Variants in CR2 observed in about 807,000 individuals in gnomAD.
CR2 encodes the protein complement C3d receptor 2, also known as complement receptor type 2.
In CR2, 96 loss-of-function variants were observed where a neutral mutation model predicts 123.0. The observed-to-expected ratio is 0.78, with a 90% confidence interval of 0.66 to 0.93. CR2 has a LOEUF of 0.93. CR2 is among the 40% of genes least tolerant of loss of function. The pLI is 0.00. For synonymous variants in CR2, 484 were observed against 469.5 expected (o/e 1.03, Z -0.40); for missense variants, 1,258 against 1,361.0 (o/e 0.92, Z 1.19).
intron 1 of CR2, among the ~76,000 whole-genome samples, chr1:207,460,033 T>C (rs1398589376): frequency 6.6e-6 from 1 of 152,226 alleles, no homozygotes; most frequent in Non-Finnish European, 1.5e-5. Context: ...TTCGTCCATG[T>C]CATTGCCACT....
intron 1 of CR2, among the ~76,000 whole-genome samples, chr1:207,456,161 T>C (rs1657828370): frequency 1.3e-5 from 2 of 152,218 alleles, no homozygotes; most frequent in Admixed American, 1.3e-4. Context: ...TCTAGCCCTT[T>C]GGAATGGGAT....
At position 207,454,400 on chromosome 1, in the gene CR2, CG is replaced by C; in HGVS notation, c.-14del. The stretch of plus-strand genomic sequence containing the variant: ...GCGGGTCTCGGAACGCATCCCGCCG[CG>C]GGGGCTTCGGCCGTGGCATGGGCGC... On this transcript the variant is annotated 5_prime_UTR_variant, in exon 1 of 20. Coordinates refer to ENST00000367057, the MANE Select transcript of CR2 (RefSeq NM_001006658.3). The surrounding 1 kb of genome is among the most constrained non-coding windows in gnomAD (Gnocchi z 4.3). 1 of 1,571,202 alleles carries C rather than the reference CG, an allele frequency of 6.4e-7. No homozygotes were observed. Among genetic ancestry groups the C allele is most frequent in the Non-Finnish European group, 8.6e-7 (1 of 1,165,498 alleles).
Position 207,478,026 on chromosome 1 carries a change from A to G in CR2, c.3044A>G (p.Gln1015Arg), listed in dbSNP as rs1279985773. The part of the protein sequence containing the change: ...MLEGSPQSQC[Q>R]SDHQWNPPLA... ...GAAGGCAGTCCCCAGAGCCAGTGCCAATCGGATCACCAATGGAACCCTCCC... is the reference window on the plus strand; with the variant it reads ...GAAGGCAGTCCCCAGAGCCAGTGCCGATCGGATCACCAATGGAACCCTCCC... The change falls in exon 16 of 20, where the codon CAA becomes CGA. Residue 1015 changes from glutamine to arginine, a missense_variant. Physicochemically the swap from Gln to Arg is conservative, Grantham distance 43. Transcript: ENST00000367057. 1 of 1,613,946 alleles carries G rather than the reference A, an allele frequency of 6.2e-7. No homozygotes were observed. Among genetic ancestry groups the G allele is most frequent in the Admixed American group, 1.7e-5 (1 of 59,968 alleles).
intron 2 of CR2, among the ~76,000 whole-genome samples, chr1:207,468,020 T>G (rs1301539977): frequency 1.3e-5 from 2 of 152,126 alleles, no homozygotes; most frequent in African/African-American, 4.8e-5. Flanking sequence ...AAAATTGACT[T>G]TTTTTGGTAA....
At chr1:207,465,115 A>G (rs1395163981) in intron 1 of CR2, among the ~76,000 whole-genome samples, 3 of 151,990 alleles carry the variant, frequency 2.0e-5, no homozygotes, top group Non-Finnish European at 2.9e-5. Flanking sequence ...ATTTTTGTAG[A>G]GATGGGGTTT....
In CR2 at chr1:207,474,141, C is replaced by A. The variant is rs539813377; in HGVS notation, c.2241-100C>A. On this transcript the variant is annotated intron_variant, in intron 12 of 19. Transcript: ENST00000367057. ...TAGTTTTTTACTAGAATTTCAACTCCTCTCTGCCAAAGTTCTTATTTAGAA... is the reference window on the plus strand; with the variant it reads ...TAGTTTTTTACTAGAATTTCAACTCATCTCTGCCAAAGTTCTTATTTAGAA... 61 of 1,089,436 alleles carry A rather than the reference C, an allele frequency of 5.6e-5. No individual in the cohort carries two copies. The African/African-American group carries it at 8.6e-4, about 15-fold the overall frequency. The allele number at this position is 1,089,436 out of a possible 1,614,324, so 67.5% of individuals were successfully genotyped here. A position where few individuals can be genotyped will look rare whatever the true frequency, so the allele number is the denominator to read the frequency against.
intron 18 of CR2, among the ~76,000 whole-genome samples, chr1:207,480,729 G>A (rs1196388306): frequency 6.6e-6 from 1 of 152,084 alleles, no homozygotes; most frequent in Non-Finnish European, 1.5e-5. Flanking sequence ...ACTGGGATAT[G>A]TCGTGTTTCT....
chr1:207,487,413 AG>A (rs1658780263), intron 19 of CR2, among the ~76,000 whole-genome samples: 1 of 152,142 alleles, frequency 6.6e-6, no homozygotes, highest in African/African-American at 2.4e-5. Flanking sequence ...CAGTCTCCTG[AG>A]TAGCTGGGAT....
chr1:207,473,817 G>A lies in CR2; in HGVS notation c.2172G>A (p.Val724=). ...APRCEETCQH[V]RQSLQELPAG... The stretch of plus-strand genomic sequence containing the variant: ...CTTCTCCAGAAACATGCCAGCATGT[G>A]AGACAGAGTCTTCAAGAACTTCCAG... Residue 724 remains valine, a synonymous_variant, in exon 12 of 20, where the codon GTG becomes GTA. Coordinates refer to ENST00000367057, the MANE Select transcript of CR2 (RefSeq NM_001006658.3). 3 of 1,614,020 alleles carry A rather than the reference G, an allele frequency of 1.9e-6. No homozygotes were observed. Among genetic ancestry groups the A allele is most frequent in the Middle Eastern group, 1.7e-4 (1 of 6,058 alleles).
intron 1 of CR2, among the ~76,000 whole-genome samples, chr1:207,463,761 C>G (rs1027649584): frequency 6.6e-6 from 1 of 152,108 alleles, no homozygotes. Flanking sequence ...TTTGGTGACT[C>G]ATCTGCTACA....
chr1:207,479,447 C>G (rs568427086), intron 17 of CR2, among the ~76,000 whole-genome samples, 167 bp downstream of exon 17: 1 of 152,262 alleles, frequency 6.6e-6, no homozygotes, highest in South Asian at 2.1e-4. Context: ...CAAAATGTCA[C>G]TTTGGCATAG....
In CR2 at chr1:207,475,235, A is replaced by G. The variant is rs1658404033; in HGVS notation, c.2716+19A>G. ...AAAAAAGGTAAGATACTTGGAAGGG[A>G]TAAGTTATGGGATGTTGTACAGAAT... On this transcript the variant is annotated intron_variant, in intron 14 of 19. Transcript: ENST00000367057. 8 of 1,613,552 alleles carry G rather than the reference A, an allele frequency of 5.0e-6. No individual in the cohort carries two copies. Among genetic ancestry groups the G allele is most frequent in the South Asian group, 1.1e-5 (1 of 91,042 alleles).
At chr1:207,461,906 A>G (rs943823454) in intron 1 of CR2, among the ~76,000 whole-genome samples, 1 of 152,078 alleles carries the variant, frequency 6.6e-6, no homozygotes, top group Non-Finnish European at 1.5e-5. Context: ...TCAAGTGAAG[A>G]GGGCTCCTGA....
Position 207,472,768 on chromosome 1 carries a change from C to G in CR2, c.1571-4C>G, listed in dbSNP as rs1227513805. 1 of 1,613,364 alleles carries G rather than the reference C, an allele frequency of 6.2e-7. No individual in the cohort carries two copies. Among genetic ancestry groups the G allele is most frequent in the Non-Finnish European group, 8.5e-7 (1 of 1,179,684 alleles). On this transcript the variant is annotated splice_polypyrimidine_tract_variant and splice_region_variant and intron_variant, in intron 9 of 19. Transcript: ENST00000367057. The stretch of plus-strand genomic sequence containing the variant: ...AATTCTACAGTATCTTTTCATCTCT[C>G]TAGAAATCACCTGCCCACCACCCCC...
At chr1:207,468,957 G>A (rs1658188416) in intron 4 of CR2, 58 bp downstream of exon 4, 1 of 1,571,730 alleles carries the variant, frequency 6.4e-7, no homozygotes, top group Non-Finnish European at 8.7e-7. Flanking sequence ...TGCGTGGTGT[G>A]GACTGTGAAA....
At chr1:207,462,185 T>G (rs1657983154) in intron 1 of CR2, among the ~76,000 whole-genome samples, 1 of 152,172 alleles carries the variant, frequency 6.6e-6, no homozygotes, top group Admixed American at 6.5e-5. Context: ...ATGAATCTGA[T>G]AGTCTTTGCC....
chr1:207,463,919 C>T (rs1433583662), intron 1 of CR2, among the ~76,000 whole-genome samples: 2 of 152,148 alleles, frequency 1.3e-5, no homozygotes, highest in Non-Finnish European at 2.9e-5. Context: ...AGTGAGTAGC[C>T]AGGAGGGTTT....
chr1:207,471,256 T>C (rs1658271488), intron 8 of CR2, among the ~76,000 whole-genome samples, 167 bp from the exon 9 acceptor site: 1 of 152,204 alleles, frequency 6.6e-6, no homozygotes, highest in Non-Finnish European at 1.5e-5. Flanking sequence ...TATTTTTCCA[T>C]GCATGGAAAT....
chr1:207,489,349 C>T lies in CR2; in HGVS notation c.*226C>T, dbSNP rs1458766900. 2 of 152,202 alleles carry T rather than the reference C, an allele frequency of 1.3e-5. No individual in the cohort carries two copies. Among genetic ancestry groups the T allele is most frequent in the Non-Finnish European group, 2.9e-5 (2 of 68,032 alleles). 9.4% of individuals were successfully genotyped at this position (152,202 alleles called of 1,614,324 possible). A position where few individuals can be genotyped will look rare whatever the true frequency, so the allele number is the denominator to read the frequency against. On this transcript the variant is annotated 3_prime_UTR_variant, in exon 20 of 20. Coordinates refer to ENST00000367057, the MANE Select transcript of CR2 (RefSeq NM_001006658.3). ...TATACTCTTCAAGGACTTTCTGAAG[C>T]CTCACTTATGAGATGCCTGAAGCCA...
Sources: allele counts gnomAD v4.1 joint callset (sites outside exome capture counted in the v4.1 genomes callset), GRCh38; gene constraint gnomAD v4.1.1; non-coding constraint Gnocchi (gnomAD v3.1); transcripts MANE v1.5; gene names NCBI Gene and HGNC (gene_info 2026-07-23, HGNC 2026-07-21).